Variants in MAP3K5 observed in about 807,000 individuals in gnomAD.
MAP3K5 encodes the protein mitogen-activated protein kinase kinase kinase 5.
A neutral mutation model predicts 158.7 loss-of-function variants in MAP3K5; 56 were observed. That is an observed-to-expected ratio of 0.35 (90% CI 0.28 to 0.44). MAP3K5 has a LOEUF of 0.44. Among genes scored for constraint, MAP3K5 ranks in the 20% least tolerant of loss-of-function variants. The pLI, the probability that MAP3K5 is intolerant of heterozygous loss-of-function variation, is 1.00. For missense variants in MAP3K5, 1,294 were observed against 1,674.8 expected, an observed-to-expected ratio of 0.77 and a Z score of 3.97; for synonymous variants, 579 against 601.7, an observed-to-expected ratio of 0.96 and a Z score of 0.55.
intron 8 of MAP3K5, 113 bp from the exon 9 acceptor site, chr6:136,659,491 TTTG>T: frequency 1.0e-6 from 1 of 976,556 alleles, no homozygotes; most frequent in Non-Finnish European, 1.5e-6. Context: ...TTAAAACAGC[TTTG>T]TTAAGTTTCT....
In MAP3K5 at chr6:136,669,884, GGTGTGTGTGT is replaced by G. The variant is rs60778677; in HGVS notation, c.1254-499_1254-490del. Among the ~76,000 whole-genome samples the G allele has an allele frequency of 1.8e-3, 254 of 144,490 alleles. No homozygotes were observed. In the East Asian group the frequency reaches 0.029, roughly 16 times the overall value. 94.8% of individuals were successfully genotyped at this position (144,490 alleles called of 152,430 possible). A position where few individuals can be genotyped will look rare whatever the true frequency, so the allele number is the denominator to read the frequency against. ...CGTCTACTTGGAAGCCATCATTCAG[GGTGTGTGTGT>G]GTGTGTGTGTGTGTGTGTGTGTGTG... On this transcript the variant is annotated intron_variant, in intron 7 of 29. Coordinates refer to ENST00000359015, the MANE Select transcript of MAP3K5 (RefSeq NM_005923.4).
chr6:136,631,719 T>C (rs1337004162), intron 14 of MAP3K5, among the ~76,000 whole-genome samples: 1 of 152,130 alleles, frequency 6.6e-6, no homozygotes, highest in East Asian at 1.9e-4. Context: ...TTGCCATTAT[T>C]GCTACAACCT....
At position 136,583,530 on chromosome 6, in the gene MAP3K5, A is replaced by G. The variant is rs1774980402; in HGVS notation, c.3411+25T>C. On this transcript the variant is annotated intron_variant, in intron 24 of 29. Transcript: ENST00000359015. ...TCTAACTAATTTTAGTGTGTGGGAA[A>G]ACACTGGCAAAATATCATACTTACA... The G allele has an allele frequency of 5.7e-6, 9 of 1,586,104 alleles. No individual in the cohort carries two copies. The East Asian group carries it at 1.8e-4, about 32-fold the overall frequency.
chr6:136,777,944 T>C lies in MAP3K5; in HGVS notation c.448+13766A>G, dbSNP rs1554319749. 2.0e-5 allele frequency among the ~76,000 whole-genome samples: 3 copies of C among 152,228 alleles called. No homozygotes were observed. The South Asian group carries it at 6.2e-4, about 31-fold the overall frequency. ...AGAAAAATACCAAATTGAAATTATG[T>C]TGTTGGCATATTTTAATTATCTAAA... is the stretch of plus-strand genomic sequence containing the variant. On this transcript the variant is annotated intron_variant, in intron 1 of 29. Coordinates refer to ENST00000359015, the MANE Select transcript of MAP3K5 (RefSeq NM_005923.4).
At chr6:136,634,424 A>AT (rs999728344) in intron 14 of MAP3K5, among the ~76,000 whole-genome samples, 8 of 152,100 alleles carry the variant, frequency 5.3e-5, no homozygotes, top group Non-Finnish European at 1.0e-4. Context: ...CACAATGGCA[A>AT]ACTAAGCCAA....
At chr6:136,636,815 C>T in intron 14 of MAP3K5, 1 of 982,444 alleles carries the variant, frequency 1.0e-6, no homozygotes, top group Non-Finnish European at 1.2e-6. Context: ...AAGTAGGTAT[C>T]CATAGTGCTC....
chr6:136,669,319 G>A lies in MAP3K5; in HGVS notation c.1330C>T (p.His444Tyr). ...NYAVLLLAAG[H>Y]QFESSFELRK... ...AGCTCAAAGGAAGATTCAAACTGGT[G>A]TCCAGCTGCCAGGAGGAGGACCGCA... The change falls in exon 8 of 30, where the codon CAC (histidine) becomes TAC (tyrosine). Residue 444 changes from histidine (H) to tyrosine (Y), a missense_variant. This residue lies in a region of MAP3K5 where 690 missense variants were observed against 870.5 expected (regional missense o/e 0.79). Transcript: ENST00000359015. 6.2e-7 allele frequency: 1 copy of A among 1,613,728 alleles called. No individual in the cohort carries two copies. The highest frequency in any genetic ancestry group is 8.5e-7 in the Non-Finnish European group (1 of 1,179,686).
chr6:136,603,483 G>A (rs1336774490), intron 19 of MAP3K5, among the ~76,000 whole-genome samples: 2 of 151,822 alleles, frequency 1.3e-5, no homozygotes, highest in East Asian at 3.9e-4. Flanking sequence ...TGGCTGACAG[G>A]TACTATTTTT....
At chr6:136,642,015 T>TCAATA (rs1777973765) in intron 12 of MAP3K5, among the ~76,000 whole-genome samples, 1 of 110,574 alleles carries the variant, frequency 9.0e-6, no homozygotes, top group South Asian at 3.0e-4. Context: ...TAAAATAAAA[T>TCAATA]AAATAAAATA....
In MAP3K5 at chr6:136,605,306, G is replaced by T. The variant is rs758775050; in HGVS notation, c.2582C>A (p.Ala861Glu). ...IDKGPRGYGK[A>E]ADIWSLGCTI... ...ACAGCCCAGAGACCAGATGTCTGCTGCTTTTCCGTAGCCTCTTGGTCCTTT... is the reference window on the plus strand; with the variant it reads ...ACAGCCCAGAGACCAGATGTCTGCTTCTTTTCCGTAGCCTCTTGGTCCTTT... Residue 861 changes from alanine (A) to glutamate (E), a missense_variant, in exon 19 of 30, where the codon GCA becomes GAA. By Grantham distance (107) the Ala-to-Glu change is moderately radical. Around this residue, in one of 5 missense-constraint regions of MAP3K5, gnomAD observed 362 missense variants for 463.2 expected, o/e 0.78. Coordinates refer to ENST00000359015, the MANE Select transcript of MAP3K5 (RefSeq NM_005923.4). The T allele has an allele frequency of 6.2e-7, 1 of 1,614,056 alleles. No homozygotes were observed. Among genetic ancestry groups the T allele is most frequent in the South Asian group, 1.1e-5 (1 of 91,078 alleles).
chr6:136,790,848 C>T (rs910024883), intron 1 of MAP3K5, among the ~76,000 whole-genome samples: 2 of 152,304 alleles, frequency 1.3e-5, no homozygotes, highest in South Asian at 4.1e-4. Flanking sequence ...CTAACATTTG[C>T]TAACAGCTAA....
chr6:136,632,889 C>T (rs1248404091), intron 14 of MAP3K5, among the ~76,000 whole-genome samples: 2 of 152,068 alleles, frequency 1.3e-5, no homozygotes, highest in South Asian at 2.1e-4. Context: ...TATTAAAATA[C>T]TTGAGATATG....
intron 19 of MAP3K5, among the ~76,000 whole-genome samples, chr6:136,603,881 A>C (rs564836148): frequency 2.6e-5 from 4 of 152,326 alleles, no homozygotes; most frequent in African/African-American, 9.6e-5. Context: ...GCAGTGTCCT[A>C]TCAGATTGTC....
chr6:136,735,910 T>C (rs895291194), intron 1 of MAP3K5, among the ~76,000 whole-genome samples: 4 of 152,212 alleles, frequency 2.6e-5, no homozygotes, highest in Non-Finnish European at 4.4e-5. Flanking sequence ...CCACATGATG[T>C]ATGCATTCCT....
At chr6:136,785,786 G>A (rs1056928100) in intron 1 of MAP3K5, among the ~76,000 whole-genome samples, 2 of 152,140 alleles carry the variant, frequency 1.3e-5, no homozygotes, top group Admixed American at 1.3e-4. Context: ...ATGCTACTCA[G>A]AGGTGGATGA....
At chr6:136,672,198 G>A (rs979261182) in intron 7 of MAP3K5, among the ~76,000 whole-genome samples, 1 of 152,056 alleles carries the variant, frequency 6.6e-6, no homozygotes, top group South Asian at 2.1e-4. Flanking sequence ...AGATGTAGTC[G>A]TCTACTTGGG....
chr6:136,613,955 GA>G lies in MAP3K5; in HGVS notation c.2278+203del, dbSNP rs1278822079. ...GTGGCTATCCTCAAGCTTTGCACTGGAATAAACTCTATACATTAGGATATTT... is the reference window on the plus strand; with the variant it reads ...GTGGCTATCCTCAAGCTTTGCACTGGATAAACTCTATACATTAGGATATTT... On this transcript the variant is annotated intron_variant, in intron 16 of 29. Coordinates refer to ENST00000359015, the MANE Select transcript of MAP3K5 (RefSeq NM_005923.4). The surrounding 1 kb of genome is among the most constrained non-coding windows in gnomAD (Gnocchi z 4.0). Among the ~76,000 whole-genome samples, 1 of 152,086 alleles carries G rather than the reference GA, an allele frequency of 6.6e-6. No individual in the cohort carries two copies. The highest frequency in any genetic ancestry group is 1.5e-5 in the Non-Finnish European group (1 of 67,984).
intron 23 of MAP3K5, among the ~76,000 whole-genome samples, chr6:136,585,469 TTTTCTTTATTTA>T (rs1239588418): frequency 0.012 from 1,537 of 131,522 alleles, 25 homozygotes; most frequent in Non-Finnish European, 0.019. Context: ...CTTTCTTTTC[TTTTCTTTATTTA>T]TTTATTTATT....
intron 2 of MAP3K5, among the ~76,000 whole-genome samples, chr6:136,711,948 A>G (rs369741026): frequency 1.7e-4 from 26 of 152,298 alleles, no homozygotes; most frequent in Admixed American, 9.2e-4. Context: ...TCTCTTGCAT[A>G]TGAACACCTA....
Sources: gnomAD v4.1 joint callset for allele counts (sites outside exome capture counted in the v4.1 genomes callset) on GRCh38, gnomAD v4.1.1 for gene constraint, gnomAD v4.1.1 regional missense constraint, Gnocchi (gnomAD v3.1) non-coding constraint, MANE v1.5 for transcripts, NCBI Gene and HGNC (gene_info 2026-07-23, HGNC 2026-07-21) for gene names.